The following DDR2 variants were observed in gnomAD, a reference collection of about 807,000 sequenced individuals.
DDR2 encodes discoidin domain-containing receptor 2.
DDR2 carries 27 observed loss-of-function variants against 94.9 expected under a neutral mutation model. That is an observed-to-expected ratio of 0.28 (90% CI 0.21 to 0.39). The LOEUF is 0.39. Ranked by LOEUF, DDR2 falls within the 10% of genes least tolerant of loss-of-function variation. The pLI is 1.00. For synonymous variants in DDR2, 382 were observed against 377.2 expected, an observed-to-expected ratio of 1.01 and a Z score of -0.15; for missense variants, 783 against 1,076.0, an observed-to-expected ratio of 0.73 and a Z score of 3.81.
chr1:162,665,936 C>T (rs1340669432), intron 2 of DDR2, among the ~76,000 whole-genome samples: 3 of 152,192 alleles, frequency 2.0e-5, no homozygotes, highest in South Asian at 2.1e-4. Context: ...TAAACTTCAT[C>T]TCTTGAATAA....
chr1:162,675,600 A>G (rs1159013780), intron 2 of DDR2, among the ~76,000 whole-genome samples: 1 of 152,212 alleles, frequency 6.6e-6, no homozygotes, highest in African/African-American at 2.4e-5. Context: ...CTTAGCTAAT[A>G]TCTGTTTAAT....
chr1:162,741,656 A>T, intron 3 of DDR2: 1 of 985,386 alleles, frequency 1.0e-6, no homozygotes. Context: ...GGACAGCTAG[A>T]TCTTCTCCCC....
intron 1 of DDR2, among the ~76,000 whole-genome samples, chr1:162,640,613 C>T (rs1001523957): frequency 2.0e-5 from 3 of 152,146 alleles, no homozygotes; most frequent in African/African-American, 7.2e-5. Flanking sequence ...TATTTGAAGG[C>T]AGTCATTGTA....
intron 9 of DDR2, 89 bp from the exon 10 acceptor site, chr1:162,765,912 T>C: frequency 8.6e-7 from 1 of 1,159,626 alleles, no homozygotes; most frequent in Non-Finnish European, 1.3e-6. Context: ...AAATTGATCT[T>C]GTAATGTGCT....
intron 2 of DDR2, among the ~76,000 whole-genome samples, chr1:162,686,490 A>G (rs1275904826): frequency 6.6e-6 from 1 of 152,128 alleles, no homozygotes; most frequent in Non-Finnish European, 1.5e-5. Context: ...TTCCTGTGTT[A>G]GTTTGCTGAG....
Position 162,669,099 on chromosome 1 carries a change from C to T in DDR2, c.-28+13725C>T, listed in dbSNP as rs75312437. Among the ~76,000 whole-genome samples, 1,313 of 152,302 alleles carry T rather than the reference C, an allele frequency of 8.6e-3. 7 individuals are homozygous for T. The highest frequency in any genetic ancestry group is 0.013 in the Non-Finnish European group (859 of 68,024). On this transcript the variant is annotated intron_variant, in intron 2 of 17. Coordinates refer to ENST00000367921, the MANE Select transcript of DDR2 (RefSeq NM_006182.4). ...TGCTCATGTCACATGGTGACAAATA[C>T]ATGCAGGATTTTTAAGGGTAGTTCT... is the stretch of plus-strand genomic sequence containing the variant.
intron 1 of DDR2, among the ~76,000 whole-genome samples, chr1:162,640,243 T>C (rs1657060200): frequency 6.6e-6 from 1 of 152,128 alleles, no homozygotes; most frequent in Non-Finnish European, 1.5e-5. Context: ...GGTTTCACCA[T>C]GTTGGCCAGG....
At chr1:162,702,624 CTT>C (rs995791747) in intron 2 of DDR2, among the ~76,000 whole-genome samples, 7 of 152,194 alleles carry the variant, frequency 4.6e-5, no homozygotes, top group African/African-American at 1.7e-4. Flanking sequence ...GATTCTCAAT[CTT>C]TATGCCAATA....
chr1:162,703,194 G>A (rs536709344), intron 2 of DDR2, among the ~76,000 whole-genome samples: 10 of 152,300 alleles, frequency 6.6e-5, no homozygotes, highest in South Asian at 6.2e-4. Flanking sequence ...TATACAGAAC[G>A]TATAGCCTAG....
chr1:162,705,169 C>A (rs1169170626), intron 2 of DDR2: 1 of 152,274 alleles, frequency 6.6e-6, no homozygotes, highest in Non-Finnish European at 1.5e-5. Context: ...AGGCTTGGCA[C>A]CAGCTCATCT....
intron 3 of DDR2, among the ~76,000 whole-genome samples, chr1:162,743,544 G>C (rs1431609799): frequency 6.6e-6 from 1 of 152,142 alleles, no homozygotes; most frequent in Non-Finnish European, 1.5e-5. Context: ...TTTCTAGGAA[G>C]TTCTTTGTCT....
At chr1:162,668,635 C>T (rs537604609) in intron 2 of DDR2, among the ~76,000 whole-genome samples, 3 of 152,060 alleles carry the variant, frequency 2.0e-5, no homozygotes, top group South Asian at 2.1e-4. Flanking sequence ...TCTTTGTGTC[C>T]GTCTCTCTGT....
chr1:162,708,432 C>A (rs891263720), intron 2 of DDR2, among the ~76,000 whole-genome samples: 1 of 152,176 alleles, frequency 6.6e-6, no homozygotes, highest in African/African-American at 2.4e-5. Context: ...CAGCCATAAC[C>A]GCAAGAGTAG....
chr1:162,729,290 A>ATT (rs1661879964), intron 3 of DDR2, among the ~76,000 whole-genome samples: 2 of 15,742 alleles, frequency 1.3e-4, no homozygotes, highest in African/African-American at 3.4e-4. Context: ...TTATATATAT[A>ATT]TATATATATA....
chr1:162,710,296 C>T (rs1182856395), intron 2 of DDR2, among the ~76,000 whole-genome samples: 1 of 152,156 alleles, frequency 6.6e-6, no homozygotes, highest in Non-Finnish European at 1.5e-5. Flanking sequence ...CACCTCAGGT[C>T]ACCTGGGGCA....
chr1:162,659,495 C>T (rs1406551535), intron 2 of DDR2, among the ~76,000 whole-genome samples: 1 of 152,058 alleles, frequency 6.6e-6, no homozygotes, highest in Non-Finnish European at 1.5e-5. Context: ...CTACTTGGGG[C>T]AGAGGATTGG....
intron 2 of DDR2, among the ~76,000 whole-genome samples, chr1:162,660,560 A>G (rs957961904): frequency 2.2e-4 from 33 of 152,192 alleles, no homozygotes; most frequent in East Asian, 1.9e-4. Context: ...TGTAATGTAT[A>G]CACATCACCT....
chr1:162,705,544 GT>G (rs1660622539), intron 2 of DDR2, among the ~76,000 whole-genome samples: 1 of 152,180 alleles, frequency 6.6e-6, no homozygotes, highest in African/African-American at 2.4e-5. Context: ...ACTCTATTCT[GT>G]TGTGGTACAC....
chr1:162,723,575 C>G (rs888252579), intron 3 of DDR2, among the ~76,000 whole-genome samples: 3 of 152,150 alleles, frequency 2.0e-5, no homozygotes, highest in African/African-American at 7.2e-5. Context: ...GAAATTCTAG[C>G]CCAGCAGTCT....
Sources: allele counts gnomAD v4.1 joint callset (sites outside exome capture counted in the v4.1 genomes callset), GRCh38; gene constraint gnomAD v4.1.1; transcripts MANE v1.5; gene names NCBI Gene and HGNC (gene_info 2026-07-23, HGNC 2026-07-21).